Variants in SCAND3 observed in about 807,000 individuals in gnomAD.
SCAND3 encodes SCAN domain containing 3.
At chr6:28,594,097 T>G in the SCAND3 span, 1 of 152,168 alleles carries the variant, frequency 6.6e-6, no homozygotes, top group African/African-American at 2.4e-5. Context: ...GTAACAAGCG[T>G]TGACAAGGCC....
At chr6:28,575,323 T>C in the SCAND3 span, 15 of 1,614,034 alleles carry the variant, frequency 9.3e-6, no homozygotes, top group Admixed American at 3.3e-5. This position sits in a 1 kb window ranked among gnomAD's most constrained non-coding sequence, Gnocchi z 4.2. Context: ...AGACTTCCCA[T>C]GGACAATTTT....
At chr6:28,574,797 C>T in the SCAND3 span, 2 of 1,614,100 alleles carry the variant, frequency 1.2e-6, no homozygotes, top group Non-Finnish European at 8.5e-7. Context: ...GACCACAGCC[C>T]TCAGTCCCAT....
the SCAND3 span, among the ~76,000 whole-genome samples, chr6:28,580,801 C>A: frequency 1.6e-5 from 2 of 126,492 alleles, no homozygotes; most frequent in African/African-American, 5.8e-5. Flanking sequence ...CCCACCCCCC[C>A]ACCCCCCCAA....
the SCAND3 span, among the ~76,000 whole-genome samples, chr6:28,605,615 C>T: frequency 6.7e-6 from 1 of 148,678 alleles, no homozygotes; most frequent in Non-Finnish European, 1.5e-5. Flanking sequence ...GGGCGGATCA[C>T]GAGGTCAGGA....
At chr6:28,610,156 C>CT in the SCAND3 span, among the ~76,000 whole-genome samples, 9 of 152,040 alleles carry the variant, frequency 5.9e-5, no homozygotes, top group Non-Finnish European at 1.0e-4. Flanking sequence ...GCCAGTAAGG[C>CT]TTTTTTCCCC....
At chr6:28,601,690 T>TTG in the SCAND3 span, among the ~76,000 whole-genome samples, 1 of 152,082 alleles carries the variant, frequency 6.6e-6, no homozygotes. Flanking sequence ...TGGCTAATGT[T>TTG]TGTGTGTGTA....
At chr6:28,575,203 A>G in the SCAND3 span, 2 of 1,614,072 alleles carry the variant, frequency 1.2e-6, no homozygotes, top group Non-Finnish European at 1.7e-6. The surrounding 1 kb of genome is among the most constrained non-coding windows in gnomAD (Gnocchi z 4.2). Context: ...CATCTGAATG[A>G]ACCACAAAAA....
the SCAND3 span, among the ~76,000 whole-genome samples, chr6:28,610,664 A>G: frequency 6.6e-6 from 1 of 152,204 alleles, no homozygotes; most frequent in Non-Finnish European, 1.5e-5. Flanking sequence ...GTGTGTAGAC[A>G]TAACATCCAG....
chr6:28,612,498 T>G, the SCAND3 span, among the ~76,000 whole-genome samples: 4 of 152,228 alleles, frequency 2.6e-5, no homozygotes, highest in African/African-American at 9.6e-5. Context: ...ATATACACTA[T>G]ATACACAGCA....
chr6:28,597,429 A>C, the SCAND3 span, among the ~76,000 whole-genome samples: 3 of 151,998 alleles, frequency 2.0e-5, no homozygotes, highest in Non-Finnish European at 4.4e-5. Context: ...GTCACATGCT[A>C]AGCGTGGCAA....
the SCAND3 span, chr6:28,586,610 C>T: frequency 2.5e-6 from 4 of 1,614,158 alleles, no homozygotes; most frequent in South Asian, 4.4e-5. This position sits in a 1 kb window ranked among gnomAD's most constrained non-coding sequence, Gnocchi z 4.4. Context: ...GGGCTGATTC[C>T]TGATCCCAAG....
the SCAND3 span, chr6:28,573,689 T>G: frequency 6.2e-7 from 1 of 1,610,474 alleles, no homozygotes; most frequent in East Asian, 2.2e-5. Context: ...TATTTCCGAG[T>G]GAAACTAGCA....
chr6:28,579,915 A>C, the SCAND3 span, among the ~76,000 whole-genome samples: 1 of 152,194 alleles, frequency 6.6e-6, no homozygotes, highest in East Asian at 1.9e-4. This position sits in a 1 kb window ranked among gnomAD's most constrained non-coding sequence, Gnocchi z 4.5. Flanking sequence ...AGGCCTAAGA[A>C]AATGTACAAA....
At chr6:28,594,919 T>C in the SCAND3 span, among the ~76,000 whole-genome samples, 20 of 152,028 alleles carry the variant, frequency 1.3e-4, no homozygotes, top group South Asian at 3.5e-3. Flanking sequence ...GAGTTGTTAG[T>C]CAAAGTAGTA....
the SCAND3 span, chr6:28,579,288 G>C: frequency 3.7e-6 from 6 of 1,613,410 alleles, no homozygotes; most frequent in Non-Finnish European, 5.1e-6. This position sits in a 1 kb window ranked among gnomAD's most constrained non-coding sequence, Gnocchi z 4.5. Flanking sequence ...CTTGAAGTGG[G>C]TGTGGCTCTG....
At chr6:28,572,495 T>G in the SCAND3 span, 1 of 1,613,524 alleles carries the variant, frequency 6.2e-7, no homozygotes, top group East Asian at 2.2e-5. The surrounding 1 kb of genome is among the most constrained non-coding windows in gnomAD (Gnocchi z 4.1). Flanking sequence ...CCTTCAACTT[T>G]ATCTGCCATT....
the SCAND3 span, among the ~76,000 whole-genome samples, chr6:28,615,312 C>A: frequency 6.6e-6 from 1 of 151,972 alleles, no homozygotes; most frequent in Admixed American, 6.6e-5. Flanking sequence ...CACTTCAGAC[C>A]ATCTAGAAAG....
At chr6:28,602,858 A>G in the SCAND3 span, among the ~76,000 whole-genome samples, 6 of 152,148 alleles carry the variant, frequency 3.9e-5, no homozygotes, top group Admixed American at 2.0e-4. Flanking sequence ...GCAAATCACA[A>G]AGGTGGACTG....
At chr6:28,577,857 A>G in the SCAND3 span, among the ~76,000 whole-genome samples, 1 of 152,184 alleles carries the variant, frequency 6.6e-6, no homozygotes, top group Non-Finnish European at 1.5e-5. Flanking sequence ...GAATCTACCT[A>G]TGACCTGTAA....
Sources: gnomAD v4.1 joint callset for allele counts (sites outside exome capture counted in the v4.1 genomes callset) on GRCh38, gnomAD v4.1.1 for gene constraint, Gnocchi (gnomAD v3.1) non-coding constraint, MANE v1.5 for transcripts, NCBI Gene and HGNC (gene_info 2026-07-23, HGNC 2026-07-21) for gene names.